The following CLHC1 variants were observed in gnomAD, a reference collection of about 807,000 sequenced individuals.
The protein encoded by CLHC1 is clathrin heavy chain linker domain containing 1, also known as clathrin heavy chain linker domain-containing protein 1.
A neutral mutation model predicts 69.5 loss-of-function variants in CLHC1; 72 were observed. That is an observed-to-expected ratio of 1.04 (90% confidence interval 0.86 to 1.26). CLHC1 has a LOEUF of 1.26. CLHC1 is among the 50% of genes most tolerant of loss of function. CLHC1 has a pLI of 0.00. For missense variants in CLHC1, 790 were observed against 679.3 expected (o/e 1.16, Z -1.81); for synonymous variants, 223 against 224.3 (o/e 0.99, Z 0.05).
chr2:55,189,445 T>C (rs1412619950), intron 9 of CLHC1, among the ~76,000 whole-genome samples: 8 of 152,176 alleles, frequency 5.3e-5, no homozygotes. Flanking sequence ...CTTCAAGTCA[T>C]TGGACATAAG....
chr2:55,230,511 A>G (rs1224221807), intron 1 of CLHC1, among the ~76,000 whole-genome samples: 2 of 152,238 alleles, frequency 1.3e-5, no homozygotes, highest in African/African-American at 2.4e-5. Context: ...AGTCATTTGC[A>G]TATGATGATA....
chr2:55,176,516 A>G (rs1258750405), intron 12 of CLHC1, among the ~76,000 whole-genome samples: 3 of 152,242 alleles, frequency 2.0e-5, no homozygotes, highest in Non-Finnish European at 4.4e-5. Flanking sequence ...TGGGGCTTCT[A>G]TAACAAATAT....
chr2:55,175,558 A>G lies in CLHC1; in HGVS notation c.*232T>C. The G allele has an allele frequency of 2.0e-6, 1 of 494,204 alleles. No homozygotes were observed. The highest frequency in any genetic ancestry group is 3.6e-6 in the Non-Finnish European group (1 of 278,040). The allele number at this position is 494,204 out of a possible 1,614,324, so 30.6% of individuals were successfully genotyped here. ...CCTACACTGTTTCACACAAAGTTAT[A>G]ATCTTGGATTTTATCAAGATTCAAT... On this transcript the variant is annotated 3_prime_UTR_variant, in exon 13 of 13. Coordinates refer to ENST00000401408, the MANE Select transcript of CLHC1 (RefSeq NM_152385.4).
At chr2:55,198,152 G>C (rs1671599519) in intron 9 of CLHC1, among the ~76,000 whole-genome samples, 1 of 151,670 alleles carries the variant, frequency 6.6e-6, no homozygotes, top group South Asian at 2.1e-4. Context: ...TACAGTGAGA[G>C]GAAACAAAAG....
intron 1 of CLHC1, among the ~76,000 whole-genome samples, chr2:55,230,694 T>A (rs1484249106): frequency 6.6e-6 from 1 of 151,998 alleles, no homozygotes; most frequent in Non-Finnish European, 1.5e-5. Context: ...AGAGGTGAAG[T>A]CTTTGAAAGG....
In CLHC1 at chr2:55,203,341, A is replaced by G. The variant is rs935925020; in HGVS notation, c.1006+2929T>C. Among the ~76,000 whole-genome samples the G allele has an allele frequency of 3.3e-5, 5 of 152,212 alleles. No individual in the cohort carries two copies. The East Asian group carries it at 7.7e-4, about 23-fold the overall frequency. ...ATTTATATGGAACCACAAAAGACCC[A>G]GAATAGCCAAAAACCATCCTAAGCA... On this transcript the variant is annotated intron_variant, in intron 9 of 12. Transcript: ENST00000401408.
At chr2:55,226,659 T>G (rs994574527) in intron 2 of CLHC1, among the ~76,000 whole-genome samples, 1 of 152,232 alleles carries the variant, frequency 6.6e-6, no homozygotes, top group African/African-American at 2.4e-5. Context: ...TTTGAGACAG[T>G]CTTGCTCTGT....
chr2:55,231,108 G>T (rs1004174164), intron 1 of CLHC1, among the ~76,000 whole-genome samples: 2 of 152,064 alleles, frequency 1.3e-5, no homozygotes, highest in African/African-American at 4.8e-5. Context: ...AAATTAGCCG[G>T]GTGTGGTGGT....
At chr2:55,225,898 A>T (rs1294138005) in intron 2 of CLHC1, 1 of 152,064 alleles carries the variant, frequency 6.6e-6, no homozygotes. Flanking sequence ...TGAATAAAGA[A>T]TTTTTACTGA....
At position 55,173,689 on chromosome 2, in the gene CLHC1, AT is replaced by A. The variant is rs1476513627; in HGVS notation, c.*2100del. The stretch of plus-strand genomic sequence containing the variant: ...AAAGCCCTCTGTAGCTCACAACTCA[AT>A]TCTTTCTCCTTCCTCATTTAACTTT... On this transcript the variant is annotated 3_prime_UTR_variant, in exon 13 of 13. Transcript: ENST00000401408. 3.3e-5 allele frequency among the ~76,000 whole-genome samples: 5 copies of A among 152,254 alleles called. No homozygotes were observed. In the East Asian group the frequency reaches 9.7e-4, roughly 29 times the overall value.
At chr2:55,182,184 C>A (rs6723598) in intron 9 of CLHC1, among the ~76,000 whole-genome samples, 10,611 of 152,138 alleles carry the variant, frequency 0.07, 1,177 homozygotes, top group African/African-American at 0.24. Context: ...ACAAAAGGTG[C>A]AGCTGCAGAT....
intron 2 of CLHC1, chr2:55,225,297 G>T (rs1355551101): frequency 6.6e-6 from 1 of 152,386 alleles, no homozygotes; most frequent in African/African-American, 2.4e-5. Context: ...CTGCCTTCTG[G>T]AGCCAATCTG....
chr2:55,217,612 A>G (rs2104014617), intron 4 of CLHC1, among the ~76,000 whole-genome samples, 199 bp downstream of exon 4: 1 of 142,120 alleles, frequency 7.0e-6, no homozygotes, highest in Non-Finnish European at 1.5e-5. Context: ...ACGTTCTCAA[A>G]CAAAAGTAAT....
At chr2:55,223,459 C>A (rs951859887) in intron 2 of CLHC1, among the ~76,000 whole-genome samples, 3 of 152,126 alleles carry the variant, frequency 2.0e-5, no homozygotes, top group African/African-American at 7.2e-5. Flanking sequence ...GGGCCGGCCC[C>A]GCGCAGCCTC....
chr2:55,173,911 T>A lies in CLHC1; in HGVS notation c.*1879A>T, dbSNP rs556101310. Among the ~76,000 whole-genome samples the A allele has an allele frequency of 6.6e-6, 1 of 151,938 alleles. No homozygotes were observed. The highest frequency in any genetic ancestry group is 1.5e-5 in the Non-Finnish European group (1 of 68,018). Reference sequence around the variant, plus strand: ...GCTGTTTAAGCTTTCTCTAGATTTATATACCTACTTTATCCTCCTGGCTTT... The same window carrying A: ...GCTGTTTAAGCTTTCTCTAGATTTAAATACCTACTTTATCCTCCTGGCTTT... On this transcript the variant is annotated 3_prime_UTR_variant, in exon 13 of 13. Coordinates refer to ENST00000401408, the MANE Select transcript of CLHC1 (RefSeq NM_152385.4).
At chr2:55,194,788 C>T (rs1671243484) in intron 9 of CLHC1, among the ~76,000 whole-genome samples, 2 of 152,264 alleles carry the variant, frequency 1.3e-5, no homozygotes, top group South Asian at 4.1e-4. Context: ...AGGTCTACAA[C>T]ACGATGTTTG....
intron 2 of CLHC1, chr2:55,224,511 G>A (rs1016434871): frequency 8.8e-6 from 3 of 340,178 alleles, no homozygotes; most frequent in Admixed American, 3.6e-5. Context: ...TGTACTCGGA[G>A]TGATCCTGGA....
At chr2:55,203,716 A>G (rs1672176878) in intron 9 of CLHC1, among the ~76,000 whole-genome samples, 1 of 152,190 alleles carries the variant, frequency 6.6e-6, no homozygotes. Flanking sequence ...ATACAAGAAA[A>G]CATTGGGGAA....
intron 3 of CLHC1, chr2:55,218,664 T>C (rs1673814444): frequency 6.6e-6 from 1 of 152,182 alleles, no homozygotes; most frequent in South Asian, 2.1e-4. Context: ...CATTGTACAA[T>C]CTCCTTTACT....
Sources: gnomAD v4.1 joint callset for allele counts (sites outside exome capture counted in the v4.1 genomes callset) on GRCh38, gnomAD v4.1.1 for gene constraint, MANE v1.5 for transcripts, NCBI Gene and HGNC (gene_info 2026-07-23, HGNC 2026-07-21) for gene names.